Variants in CDH12 observed in about 807,000 individuals in gnomAD.
CDH12 encodes cadherin-12.
In CDH12, 41 loss-of-function variants were observed where a neutral mutation model predicts 74.1. The observed-to-expected ratio is 0.55, with a 90% CI of 0.43 to 0.72. The LOEUF (loss-of-function observed/expected upper bound fraction) is 0.72, where lower values mean the gene tolerates loss of function less well. Among genes scored for constraint, CDH12 ranks in the 30% least tolerant of loss-of-function variants. The pLI is 0.00. For missense variants in CDH12, 945 were observed against 977.2 expected (o/e 0.97, Z 0.44); for synonymous variants, 399 against 355.0 (o/e 1.12, Z -1.39).
intron 1 of CDH12, among the ~76,000 whole-genome samples, chr5:22,763,294 TAC>T (rs763056741): frequency 6.6e-6 from 1 of 151,992 alleles, no homozygotes; most frequent in East Asian, 1.9e-4. Context: ...TATTATGTGA[TAC>T]AGTTTTCCTT....
intron 1 of CDH12, among the ~76,000 whole-genome samples, chr5:22,701,309 C>T (rs796590422): frequency 1.9e-4 from 29 of 152,192 alleles, no homozygotes; most frequent in African/African-American, 6.5e-4. Flanking sequence ...AGCTCTGTCT[C>T]CAAACATAAC....
intron 4 of CDH12, among the ~76,000 whole-genome samples, chr5:22,182,321 A>G (rs1425991344): frequency 6.6e-6 from 1 of 152,120 alleles, no homozygotes; most frequent in Admixed American, 6.6e-5. Flanking sequence ...AGGTTTCTCA[A>G]TTCACCTCAA....
At chr5:22,075,814 C>G (rs1392769395) in intron 5 of CDH12, among the ~76,000 whole-genome samples, 2 of 152,036 alleles carry the variant, frequency 1.3e-5, no homozygotes, top group African/African-American at 2.4e-5. Flanking sequence ...ACAACTGATA[C>G]TTTTCCTAGG....
At chr5:21,903,853 A>G (rs182886359) in intron 6 of CDH12, among the ~76,000 whole-genome samples, 1 of 152,312 alleles carries the variant, frequency 6.6e-6, no homozygotes, top group East Asian at 1.9e-4. Flanking sequence ...AAGAAAACTC[A>G]AAGAAAAGTA....
intron 3 of CDH12, among the ~76,000 whole-genome samples, chr5:22,256,436 C>T (rs763894462): frequency 1.2e-4 from 19 of 152,158 alleles, no homozygotes; most frequent in Non-Finnish European, 2.5e-4. Flanking sequence ...AAAAGTATAG[C>T]ACATGCAATT....
intron 5 of CDH12, among the ~76,000 whole-genome samples, chr5:22,048,223 T>G (rs546621470): frequency 6.6e-6 from 1 of 152,306 alleles, no homozygotes; most frequent in African/African-American, 2.4e-5. Context: ...TATCTATTGC[T>G]TTCATTCCTA....
chr5:22,581,048 A>G (rs988377695), intron 1 of CDH12, among the ~76,000 whole-genome samples: 1 of 152,204 alleles, frequency 6.6e-6, no homozygotes, highest in African/African-American at 2.4e-5. Context: ...GATACAATGC[A>G]ATAGAAAAAA....
chr5:22,825,823 A>T (rs531267821), intron 1 of CDH12, among the ~76,000 whole-genome samples: 1 of 152,270 alleles, frequency 6.6e-6, no homozygotes, highest in Admixed American at 6.5e-5. Context: ...AAGACCAAAT[A>T]CTGGTGGCAA....
chr5:22,165,798 G>A (rs1748649039), intron 4 of CDH12, among the ~76,000 whole-genome samples: 1 of 152,158 alleles, frequency 6.6e-6, no homozygotes, highest in Non-Finnish European at 1.5e-5. Context: ...CCAAGATGGC[G>A]AGGAGAGTGA....
chr5:22,618,360 A>T (rs913329715), intron 1 of CDH12, among the ~76,000 whole-genome samples: 19 of 152,142 alleles, frequency 1.2e-4, no homozygotes, highest in Admixed American at 6.6e-5. Context: ...TCTAGGATCA[A>T]CATTACAAGG....
At chr5:22,148,317 C>T (rs1196839112) in intron 4 of CDH12, among the ~76,000 whole-genome samples, 1 of 152,060 alleles carries the variant, frequency 6.6e-6, no homozygotes, top group Non-Finnish European at 1.5e-5. Flanking sequence ...TACATTGTCT[C>T]ATGTAATCTT....
intron 6 of CDH12, among the ~76,000 whole-genome samples, chr5:21,891,572 TACACAC>T (rs66657734): frequency 7.6e-5 from 11 of 144,954 alleles, no homozygotes; most frequent in East Asian, 2.1e-4. Flanking sequence ...CACACACACA[TACACAC>T]ACACACACAC....
At chr5:21,757,704 A>G (rs1319709279) in intron 13 of CDH12, among the ~76,000 whole-genome samples, 2 of 152,204 alleles carry the variant, frequency 1.3e-5, no homozygotes, top group Non-Finnish European at 2.9e-5. Flanking sequence ...TCCCATTAAC[A>G]TGATTAATCT....
intron 6 of CDH12, among the ~76,000 whole-genome samples, chr5:21,927,153 T>C (rs903384648): frequency 3.3e-5 from 5 of 152,174 alleles, no homozygotes. Context: ...TAGCCAGGGC[T>C]GGTGTATTAT....
chr5:22,025,252 T>C (rs1209512534), intron 5 of CDH12, among the ~76,000 whole-genome samples: 2 of 152,164 alleles, frequency 1.3e-5, no homozygotes, highest in Admixed American at 6.6e-5. Context: ...TTGGACTCTT[T>C]ATATTTATTG....
intron 1 of CDH12, among the ~76,000 whole-genome samples, chr5:22,615,140 T>C (rs193237246): frequency 6.6e-6 from 1 of 152,256 alleles, no homozygotes; most frequent in Admixed American, 6.5e-5. Flanking sequence ...GGTGTAGTAC[T>C]GTATAGAACT....
At chr5:22,492,806 GT>G (rs1746939593) in intron 2 of CDH12, among the ~76,000 whole-genome samples, 1 of 152,112 alleles carries the variant, frequency 6.6e-6, no homozygotes, top group Non-Finnish European at 1.5e-5. Flanking sequence ...GTGGGAATAA[GT>G]TTTTTCTCCC....
At chr5:21,832,905 T>C (rs1194180946) in intron 8 of CDH12, among the ~76,000 whole-genome samples, 1 of 81,924 alleles carries the variant, frequency 1.2e-5, no homozygotes, top group East Asian at 3.1e-4. Flanking sequence ...TCATATAATA[T>C]ATGATATAAT....
intron 2 of CDH12, among the ~76,000 whole-genome samples, chr5:22,440,598 T>C (rs113394212): frequency 2.5e-4 from 38 of 152,124 alleles, no homozygotes; most frequent in African/African-American, 7.7e-4. Flanking sequence ...GAACCATCCT[T>C]GTTCTGGTTG....
Sources: gnomAD v4.1 joint callset for allele counts (sites outside exome capture counted in the v4.1 genomes callset) on GRCh38, gnomAD v4.1.1 for gene constraint, MANE v1.5 for transcripts, NCBI Gene and HGNC (gene_info 2026-07-23, HGNC 2026-07-21) for gene names.